The following HDAC4 variants were observed in gnomAD, a reference collection of about 807,000 sequenced individuals.
HDAC4 encodes the protein histone deacetylase 4.
HDAC4 carries 16 observed loss-of-function variants against 135.1 expected under a neutral mutation model. The observed-to-expected ratio is 0.12, with a 90% CI of 0.08 to 0.18. The LOEUF (loss-of-function observed/expected upper bound fraction) is 0.18, where lower values mean the gene tolerates loss of function less well. Ranked by LOEUF, HDAC4 falls within the 10% of genes least tolerant of loss-of-function variation. HDAC4 has a pLI of 1.00. For synonymous variants in HDAC4, 685 were observed against 653.4 expected (o/e 1.05, Z -0.74); for missense variants, 1,143 against 1,511.8 (o/e 0.76, Z 4.05).
chr2:239,089,909 C>T, intron 18 of HDAC4, 100 bp downstream of exon 18: 1 of 892,334 alleles, frequency 1.1e-6, no homozygotes, highest in Non-Finnish European at 1.9e-6. Flanking sequence ...CAGCCGCCTC[C>T]CAGCCTGATG....
chr2:239,081,235 G>C, intron 21 of HDAC4, 43 bp from the exon 22 acceptor site: 1 of 1,536,640 alleles, frequency 6.5e-7, no homozygotes, highest in Non-Finnish European at 8.9e-7. Context: ...GACCCCGAGC[G>C]GGACCTGTCT....
At chr2:239,116,932 C>A (rs1418223808) in intron 12 of HDAC4, among the ~76,000 whole-genome samples, 5 of 152,222 alleles carry the variant, frequency 3.3e-5, no homozygotes, top group African/African-American at 1.2e-4. Context: ...TCCTCCAGCA[C>A]CCCCCGACCC....
chr2:239,374,839 A>T (rs988393260), intron 1 of HDAC4, among the ~76,000 whole-genome samples: 41 of 152,248 alleles, frequency 2.7e-4, no homozygotes, highest in African/African-American at 9.2e-4. Flanking sequence ...GACGAGAGCC[A>T]AGCTGGCCAC....
chr2:239,147,681 A>T (rs955028294), intron 7 of HDAC4, among the ~76,000 whole-genome samples: 14 of 152,238 alleles, frequency 9.2e-5, no homozygotes, highest in Non-Finnish European at 1.9e-4. Context: ...AGTTGCTCCC[A>T]CCAAGCGTGG....
At chr2:239,136,118 C>A (rs1284265131) in intron 9 of HDAC4, among the ~76,000 whole-genome samples, 1 of 152,178 alleles carries the variant, frequency 6.6e-6, no homozygotes, top group South Asian at 2.1e-4. Flanking sequence ...AATGGGCAAA[C>A]AAAGAGAAGG....
intron 2 of HDAC4, among the ~76,000 whole-genome samples, chr2:239,269,261 CCACA>C (rs762055702): frequency 6.9e-6 from 1 of 145,554 alleles, no homozygotes; most frequent in Admixed American, 6.8e-5. Flanking sequence ...ATTCACACAC[CCACA>C]CATTCACACA....
chr2:239,303,986 C>G lies in HDAC4; in HGVS notation c.22+48692G>C, dbSNP rs1025245450. The stretch of plus-strand genomic sequence containing the variant: ...AGTCTTCATCTCAGCCCGCCAGGTC[C>G]TCTCGAGCCCCTGGAGTGCCCTGTG... On this transcript the variant is annotated intron_variant, in intron 2 of 26. Transcript: ENST00000543185. This position sits in a 1 kb window ranked among gnomAD's most constrained non-coding sequence, Gnocchi z 5.1. Among the ~76,000 whole-genome samples the G allele has an allele frequency of 5.3e-5, 8 of 152,218 alleles. No individual in the cohort carries two copies. Among genetic ancestry groups the G allele is most frequent in the African/African-American group, 1.9e-4 (8 of 41,454 alleles).
At chr2:239,388,790 G>A (rs1006415790) in intron 1 of HDAC4, among the ~76,000 whole-genome samples, 22 of 152,252 alleles carry the variant, frequency 1.4e-4, no homozygotes, top group African/African-American at 5.1e-4. Context: ...AGTCATCAGC[G>A]GAGGGAGTGT....
At chr2:239,081,972 T>C in intron 21 of HDAC4, 130 bp downstream of exon 21, 1 of 930,640 alleles carries the variant, frequency 1.1e-6, no homozygotes, top group South Asian at 1.5e-5. Flanking sequence ...GAAGTTACTG[T>C]CTGGGCTTAA....
chr2:239,250,067 G>T (rs576744461), intron 2 of HDAC4, among the ~76,000 whole-genome samples: 1 of 152,348 alleles, frequency 6.6e-6, no homozygotes, highest in East Asian at 1.9e-4. Context: ...CATCCTCCGT[G>T]ATGGCCACCG....
chr2:239,125,192 G>A (rs1000682679), intron 12 of HDAC4, among the ~76,000 whole-genome samples: 1 of 152,248 alleles, frequency 6.6e-6, no homozygotes, highest in Non-Finnish European at 1.5e-5. Context: ...CTGGCAGGAG[G>A]TGGCTGGATC....
At chr2:239,298,670 T>C in intron 2 of HDAC4, 1 of 966,808 alleles carries the variant, frequency 1.0e-6, no homozygotes, top group Non-Finnish European at 1.2e-6. Flanking sequence ...CTAAATCATT[T>C]ATCCAGCACC....
chr2:239,063,929 C>T (rs907392595), intron 24 of HDAC4, among the ~76,000 whole-genome samples: 4 of 152,028 alleles, frequency 2.6e-5, no homozygotes, highest in Admixed American at 6.6e-5. Context: ...CGAGGCTCAG[C>T]GCTGCCGGTC....
chr2:239,230,368 C>CAAAAAATAAAAAAAAAAAAAAAAAA (rs2047474463), intron 3 of HDAC4, among the ~76,000 whole-genome samples: 1 of 79,396 alleles, frequency 1.3e-5, no homozygotes, highest in Non-Finnish European at 2.3e-5. Context: ...AGCAAGCAAG[C>CAAAAAATAAAAAAAAAAAAAAAAAA]AAAAAAAAAA....
intron 3 of HDAC4, among the ~76,000 whole-genome samples, chr2:239,198,113 T>A (rs12613816): frequency 0.16 from 24,108 of 152,136 alleles, 2,166 homozygotes; most frequent in East Asian, 0.28. Context: ...CCCAAAGTGC[T>A]GGGATTACAG....
rs1207215150 is a variant in HDAC4 at position 239,050,103 on chromosome 2, G to A, written c.*2994C>T. ...CCCTGGACGCTTGCTGTGGAGAAGAGCCGAGTGTGTCTTCAAAGAAAAGGC... is the reference window on the plus strand; with the variant it reads ...CCCTGGACGCTTGCTGTGGAGAAGAACCGAGTGTGTCTTCAAAGAAAAGGC... On this transcript the variant is annotated 3_prime_UTR_variant, in exon 27 of 27. Coordinates refer to ENST00000543185, the MANE Select transcript of HDAC4 (RefSeq NM_001378414.1). The A allele has an allele frequency of 3.3e-5, 5 of 152,632 alleles. No homozygotes were observed. Among genetic ancestry groups the A allele is most frequent in the African/African-American group, 9.6e-5 (4 of 41,468 alleles). 9.5% of individuals were successfully genotyped at this position (152,632 alleles called of 1,614,324 possible). A position where few individuals can be genotyped will look rare whatever the true frequency, so the allele number is the denominator to read the frequency against.
At chr2:239,196,172 A>T (rs2045365713) in intron 3 of HDAC4, among the ~76,000 whole-genome samples, 1 of 151,182 alleles carries the variant, frequency 6.6e-6, no homozygotes, top group South Asian at 2.1e-4. Context: ...AAGAGAGAGG[A>T]TGGGACAGAA....
At chr2:239,059,895 G>C (rs1162812768) in intron 24 of HDAC4, among the ~76,000 whole-genome samples, 2 of 151,740 alleles carry the variant, frequency 1.3e-5, no homozygotes, top group Admixed American at 1.3e-4. Flanking sequence ...ACAGTCCTCT[G>C]GGGGACCTTG....
intron 3 of HDAC4, among the ~76,000 whole-genome samples, chr2:239,199,840 T>G (rs1467180555): frequency 6.6e-6 from 1 of 152,024 alleles, no homozygotes; most frequent in Non-Finnish European, 1.5e-5. Flanking sequence ...CTCACGCCAT[T>G]CTCCTGCCTC....
Sources: gnomAD v4.1 joint callset for allele counts (sites outside exome capture counted in the v4.1 genomes callset) on GRCh38, gnomAD v4.1.1 for gene constraint, Gnocchi (gnomAD v3.1) non-coding constraint, MANE v1.5 for transcripts, NCBI Gene and HGNC (gene_info 2026-07-23, HGNC 2026-07-21) for gene names.